The following SFSWAP variants were observed in gnomAD, a reference collection of about 807,000 sequenced individuals.
SFSWAP encodes the protein splicing factor SWAP, also known as splicing factor, suppressor of white-apricot homolog.
SFSWAP carries 17 observed loss-of-function variants against 100.7 expected under a neutral mutation model. That is an observed-to-expected ratio of 0.17 (90% CI 0.12 to 0.25). The LOEUF (loss-of-function observed/expected upper bound fraction) is 0.25. SFSWAP is among the 10% of genes least tolerant of loss of function. SFSWAP has a pLI of 1.00. For missense variants in SFSWAP, 1,005 were observed against 1,262.6 expected (o/e 0.80, Z 3.09); for synonymous variants, 504 against 510.1 (o/e 0.99, Z 0.16).
At chr12:131,783,963 T>C (rs1023158858) in intron 14 of SFSWAP, 2 of 151,598 alleles carry the variant, frequency 1.3e-5, no homozygotes, top group Non-Finnish European at 2.9e-5. Flanking sequence ...TTGAAAGTTG[T>C]GGCTCCTCAC....
chr12:131,715,877 A>T (rs1470786994), intron 3 of SFSWAP, among the ~76,000 whole-genome samples: 1 of 152,178 alleles, frequency 6.6e-6, no homozygotes, highest in African/African-American at 2.4e-5. Flanking sequence ...ACAATAATTT[A>T]AAAAAAGAGA....
At position 131,728,260 on chromosome 12, in the gene SFSWAP, T is replaced by C. The variant is rs748657233; in HGVS notation, c.946-33T>C. ...AAGAGTTCTGCATGGTTCAGAATAT[T>C]GAATGCTAAGGCTGTGTCTTCTCTG... On this transcript the variant is annotated intron_variant, in intron 6 of 17. Coordinates refer to ENST00000261674, the MANE Select transcript of SFSWAP (RefSeq NM_004592.4). 7 of 1,613,082 alleles carry C rather than the reference T, an allele frequency of 4.3e-6. No individual in the cohort carries two copies. In the East Asian group the frequency reaches 1.1e-4, roughly 26 times the overall value.
chr12:131,727,269 C>G (rs943698908), intron 6 of SFSWAP, among the ~76,000 whole-genome samples: 4 of 152,234 alleles, frequency 2.6e-5, no homozygotes, highest in African/African-American at 9.6e-5. Flanking sequence ...TGAGCATTTG[C>G]TCAGGATAAT....
At chr12:131,763,279 C>T (rs563045063) in intron 11 of SFSWAP, among the ~76,000 whole-genome samples, 19 of 152,336 alleles carry the variant, frequency 1.2e-4, no homozygotes, top group African/African-American at 1.7e-4. Flanking sequence ...CTTCCAGAAG[C>T]GGCCTTGTTT....
Position 131,778,051 on chromosome 12 carries a change from C to T in SFSWAP, c.2143-14C>T, listed in dbSNP as rs774834445. 3 of 1,590,224 alleles carry T rather than the reference C, an allele frequency of 1.9e-6. No individual in the cohort carries two copies. The South Asian group carries it at 3.4e-5, about 18-fold the overall frequency. ...TTTTCCCTGTTAACACCCAGATTTT[C>T]CTTTTATTCTTAGGAATCCAGCACT... On this transcript the variant is annotated splice_polypyrimidine_tract_variant and intron_variant, in intron 13 of 17. Transcript: ENST00000261674. The surrounding 1 kb of genome is among the most constrained non-coding windows in gnomAD (Gnocchi z 4.2).
chr12:131,746,875 C>A (rs550146788), intron 7 of SFSWAP, among the ~76,000 whole-genome samples: 1 of 152,160 alleles, frequency 6.6e-6, no homozygotes, highest in South Asian at 2.1e-4. Flanking sequence ...GAGGCCAAGG[C>A]GGGCAGATCA....
intron 13 of SFSWAP, among the ~76,000 whole-genome samples, 176 bp from the exon 14 acceptor site, chr12:131,777,889 C>A (rs1405035528): frequency 6.6e-6 from 1 of 152,220 alleles, no homozygotes; most frequent in East Asian, 1.9e-4. Flanking sequence ...TCACTTTCTC[C>A]TTTTGCATCC....
Position 131,786,697 on chromosome 12 carries a change from G to A in SFSWAP, c.2534+109G>A. The A allele has an allele frequency of 3.9e-6, 5 of 1,266,612 alleles. No individual in the cohort carries two copies. The South Asian group carries it at 4.4e-5, about 11-fold the overall frequency. 78.5% of individuals were successfully genotyped at this position (1,266,612 alleles called of 1,614,324 possible). ...TGAGCAGAGCTGTGGATGACCAGAG[G>A]GAGGTGCTGAGTCCCCCACCACCCC... On this transcript the variant is annotated intron_variant, in intron 15 of 17. Coordinates refer to ENST00000261674, the MANE Select transcript of SFSWAP (RefSeq NM_004592.4).
intron 4 of SFSWAP, among the ~76,000 whole-genome samples, chr12:131,721,387 T>A (rs1878462611): frequency 6.6e-6 from 1 of 152,214 alleles, no homozygotes; most frequent in Admixed American, 6.5e-5. Context: ...TCCTGAGACT[T>A]GTATTAATAT....
In SFSWAP at chr12:131,797,337, G is replaced by A. The variant is rs1885755413; in HGVS notation, c.2694G>A (p.Arg898=). The stretch of plus-strand genomic sequence containing the variant: ...CCAGCGTCTCCCCTGTGGAGAGTCG[G>A]GGCTCCAGCCAGGAGCGCTCCAGGT... ...HSASVSPVES[R]GSSQERSRGV... The change falls in exon 16 of 18, where the codon CGG becomes CGA. Residue 898 remains arginine (R), a synonymous_variant. Transcript: ENST00000261674. 1.2e-6 allele frequency: 2 copies of A among 1,609,868 alleles called. No homozygotes were observed. Among genetic ancestry groups the A allele is most frequent in the Non-Finnish European group, 1.7e-6 (2 of 1,178,246 alleles).
At chr12:131,796,845 T>G in intron 15 of SFSWAP, 1 of 222,976 alleles carries the variant, frequency 4.5e-6, no homozygotes, top group Non-Finnish European at 8.7e-6. Context: ...TCCTGTATCT[T>G]TTTGGAAATT....
chr12:131,756,557 G>A lies in SFSWAP; in HGVS notation c.1633G>A (p.Ala545Thr), dbSNP rs202003753. 13 of 1,613,868 alleles carry A rather than the reference G, an allele frequency of 8.1e-6. No individual in the cohort carries two copies. In the East Asian group the frequency reaches 1.3e-4, roughly 17 times the overall value. Residue 545 changes from alanine to threonine, a missense_variant, in exon 11 of 18, where the codon GCA becomes ACA. Ala to Thr is a moderately conservative substitution (Grantham distance 58, BLOSUM62 0). Transcript: ENST00000261674. The stretch of plus-strand genomic sequence containing the variant: ...TGGGGAGGATGGCGCGCCTGAAGAC[G>A]CAGCCGAGGTGGGAGCACGGGCAGG... ...DAGEDGAPEDAAEVGARAGSG... is the reference protein window; with the variant it reads ...DAGEDGAPEDTAEVGARAGSG...
At position 131,748,812 on chromosome 12, in the gene SFSWAP, T is replaced by G. The variant is rs573449160; in HGVS notation, c.1082-4311T>G. 7.2e-5 allele frequency among the ~76,000 whole-genome samples: 11 copies of G among 152,386 alleles called. No homozygotes were observed. The South Asian group carries it at 2.3e-3, about 32-fold the overall frequency. ...TACAACTATACTTGCCTTTAGGGAC[T>G]GTGTAGGTACCTATTGGAATTTCTT... On this transcript the variant is annotated intron_variant, in intron 7 of 17. Coordinates refer to ENST00000261674, the MANE Select transcript of SFSWAP (RefSeq NM_004592.4).
At chr12:131,717,993 A>G (rs1321178954) in intron 3 of SFSWAP, among the ~76,000 whole-genome samples, 2 of 152,216 alleles carry the variant, frequency 1.3e-5, no homozygotes, top group Non-Finnish European at 2.9e-5. Context: ...GGCCTCCCAA[A>G]GTGCTGGGAT....
Position 131,728,217 on chromosome 12 carries a change from G to T in SFSWAP, c.946-76G>T, listed in dbSNP as rs1879170902. The T allele has an allele frequency of 2.6e-6, 4 of 1,548,448 alleles. No homozygotes were observed. The East Asian group carries it at 6.8e-5, about 26-fold the overall frequency. ...AAGGCATGTACACTGAGTCCTAAAGGTGAGCCTTTTGCAGCAGAAGAGTTC... is the reference window on the plus strand; with the variant it reads ...AAGGCATGTACACTGAGTCCTAAAGTTGAGCCTTTTGCAGCAGAAGAGTTC... On this transcript the variant is annotated intron_variant, in intron 6 of 17. Transcript: ENST00000261674.
chr12:131,750,498 C>T (rs967583640), intron 7 of SFSWAP, among the ~76,000 whole-genome samples: 1 of 151,734 alleles, frequency 6.6e-6, no homozygotes, highest in Non-Finnish European at 1.5e-5. Context: ...AGAGGCTGCG[C>T]GTGTCTCGGC....
intron 13 of SFSWAP, among the ~76,000 whole-genome samples, chr12:131,773,101 A>G (rs1593173862): frequency 6.6e-6 from 1 of 152,294 alleles, no homozygotes; most frequent in Admixed American, 6.5e-5. Context: ...AAAAGGCAAC[A>G]TTCAGGTGGG....
intron 7 of SFSWAP, among the ~76,000 whole-genome samples, chr12:131,744,825 C>G (rs907814779): frequency 6.6e-6 from 1 of 152,178 alleles, no homozygotes; most frequent in Admixed American, 6.5e-5. Flanking sequence ...GGAGGCCTCA[C>G]AATCATGGCA....
In SFSWAP at chr12:131,734,685, T is replaced by G. The variant is rs1879833317; in HGVS notation, c.1081+6257T>G. Among the ~76,000 whole-genome samples, 1 of 152,150 alleles carries G rather than the reference T, an allele frequency of 6.6e-6. No homozygotes were observed. The highest frequency in any genetic ancestry group is 2.4e-5 in the African/African-American group (1 of 41,418). ...TCCCAGGAACATTCACCGAGTAACT[T>G]CAGAAAAGTGAAGAGCAGAAGTTCC... On this transcript the variant is annotated intron_variant, in intron 7 of 17. Transcript: ENST00000261674. The surrounding 1 kb of genome is among the most constrained non-coding windows in gnomAD (Gnocchi z 4.9).
Sources: gnomAD v4.1 joint callset for allele counts (sites outside exome capture counted in the v4.1 genomes callset) on GRCh38, gnomAD v4.1.1 for gene constraint, Gnocchi (gnomAD v3.1) non-coding constraint, MANE v1.5 for transcripts, NCBI Gene and HGNC (gene_info 2026-07-23, HGNC 2026-07-21) for gene names.